LINGO2: variants seen among roughly 807,000 people sequenced by gnomAD.
LINGO2 encodes leucine rich repeat and Ig domain containing 2.
Under a neutral mutation model 30.6 loss-of-function variants are expected in LINGO2, and 14 were observed. The observed-to-expected ratio is 0.46, with a 90% CI of 0.30 to 0.72. LINGO2 has a LOEUF of 0.72. LINGO2 is among the 30% of genes least tolerant of loss of function. The pLI is 0.07. For missense variants in LINGO2, 729 were observed against 751.7 expected, an observed-to-expected ratio of 0.97 and a Z score of 0.35; for synonymous variants, 317 against 288.5, an observed-to-expected ratio of 1.10 and a Z score of -1.00.
rs77282104 is a variant in LINGO2 at position 28,507,742 on chromosome 9, G to A, written c.-364-31717C>T. On this transcript the variant is annotated intron_variant, in intron 1 of 5. Coordinates refer to ENST00000379992, the Ensembl canonical transcript of LINGO2. ...TAATAGTGGCTATATTCAGAATGAGGGAGAGCAAAAGGCTTTCATGTACTA... is the reference window on the plus strand; with the variant it reads ...TAATAGTGGCTATATTCAGAATGAGAGAGAGCAAAAGGCTTTCATGTACTA... Among the ~76,000 whole-genome samples, 909 of 152,120 alleles carry A rather than the reference G, an allele frequency of 6.0e-3. 14 individuals are homozygous for A. Among genetic ancestry groups the A allele is most frequent in the African/African-American group, 0.021 (866 of 41,496 alleles).
At chr9:29,210,417 C>T in the LINGO2 span, among the ~76,000 whole-genome samples, 1 of 152,062 alleles carries the variant, frequency 6.6e-6, no homozygotes, top group Non-Finnish European at 1.5e-5. Flanking sequence ...TAATTTAATT[C>T]AACAAATAAA....
At chr9:29,157,401 CA>C in the LINGO2 span, among the ~76,000 whole-genome samples, 2 of 152,144 alleles carry the variant, frequency 1.3e-5, no homozygotes, top group African/African-American at 4.8e-5. Context: ...GATGAGCAGG[CA>C]TCATTCTGAA....
At chr9:28,872,880 C>T in the LINGO2 span, among the ~76,000 whole-genome samples, 13 of 152,118 alleles carry the variant, frequency 8.5e-5, no homozygotes, top group East Asian at 2.3e-3. Context: ...CTGGAAAAAT[C>T]GTTGAGCAAT....
the LINGO2 span, among the ~76,000 whole-genome samples, chr9:28,883,658 A>ATATATATATC: frequency 7.9e-6 from 1 of 126,768 alleles, no homozygotes; most frequent in Non-Finnish European, 1.7e-5. Flanking sequence ...ATATATATAT[A>ATATATATATC]TATATATATA....
At chr9:28,728,590 G>A in the LINGO2 span, among the ~76,000 whole-genome samples, 2 of 152,020 alleles carry the variant, frequency 1.3e-5, no homozygotes, top group African/African-American at 4.8e-5. Flanking sequence ...GGACTGAACT[G>A]TCAGCTCTGC....
chr9:28,167,609 AC>A (rs1321034086), intron 4 of LINGO2, among the ~76,000 whole-genome samples: 4 of 152,136 alleles, frequency 2.6e-5, no homozygotes, highest in Non-Finnish European at 4.4e-5. Flanking sequence ...CTGGCCTGGA[AC>A]CCCTGTGCTC....
intron 4 of LINGO2, among the ~76,000 whole-genome samples, chr9:28,135,611 C>G (rs1827496081): frequency 6.6e-6 from 1 of 151,904 alleles, no homozygotes; most frequent in Non-Finnish European, 1.5e-5. Context: ...AAAGTCAAAC[C>G]TTGTATCACG....
At chr9:28,523,044 C>A (rs193162836) in intron 1 of LINGO2, among the ~76,000 whole-genome samples, 1 of 150,326 alleles carries the variant, frequency 6.7e-6, no homozygotes, top group Admixed American at 6.6e-5. Flanking sequence ...AGAGATTAGG[C>A]GAAGAAAATC....
the LINGO2 span, among the ~76,000 whole-genome samples, chr9:28,895,648 T>A: frequency 6.6e-6 from 1 of 150,580 alleles, no homozygotes; most frequent in Non-Finnish European, 1.5e-5. Flanking sequence ...AAATAATACA[T>A]TTTTTTTGTT....
At chr9:28,399,461 A>G (rs1822176347) in intron 2 of LINGO2, among the ~76,000 whole-genome samples, 1 of 152,228 alleles carries the variant, frequency 6.6e-6, no homozygotes, top group African/African-American at 2.4e-5. Context: ...ACATGTAAAT[A>G]TTAGGCAAAT....
At chr9:27,940,101 A>T in the LINGO2 span, 2 of 152,096 alleles carry the variant, frequency 1.3e-5, no homozygotes, top group Non-Finnish European at 2.9e-5. Flanking sequence ...GAATAGGGAG[A>T]ATCCACATAT....
At chr9:28,055,172 G>A (rs1824866293) in intron 4 of LINGO2, among the ~76,000 whole-genome samples, 2 of 152,130 alleles carry the variant, frequency 1.3e-5, no homozygotes, top group African/African-American at 4.8e-5. Context: ...TTATCCTTAT[G>A]TAAATTGGCT....
At chr9:29,146,322 T>G in the LINGO2 span, among the ~76,000 whole-genome samples, 1 of 151,976 alleles carries the variant, frequency 6.6e-6, no homozygotes, top group African/African-American at 2.4e-5. Flanking sequence ...ACCACTGCAC[T>G]CCAGTCTGGC....
intron 4 of LINGO2, among the ~76,000 whole-genome samples, chr9:28,240,666 C>A (rs1386164307): frequency 6.6e-6 from 1 of 152,102 alleles, no homozygotes; most frequent in Non-Finnish European, 1.5e-5. Flanking sequence ...AGACTTAAAT[C>A]TAAGGCCTTA....
chr9:28,388,216 A>G (rs533249770), intron 2 of LINGO2, among the ~76,000 whole-genome samples: 14 of 152,226 alleles, frequency 9.2e-5, no homozygotes, highest in Non-Finnish European at 1.9e-4. Flanking sequence ...TCTCTATGAT[A>G]GAATCGCTCT....
At chr9:28,520,454 T>TA (rs150748833) in intron 1 of LINGO2, among the ~76,000 whole-genome samples, 2 of 152,144 alleles carry the variant, frequency 1.3e-5, no homozygotes, top group Non-Finnish European at 1.5e-5. Flanking sequence ...CTACCTTAGC[T>TA]AAAAAAATCT....
the LINGO2 span, among the ~76,000 whole-genome samples, chr9:28,801,564 G>C: frequency 6.6e-6 from 1 of 151,858 alleles, no homozygotes; most frequent in Non-Finnish European, 1.5e-5. Flanking sequence ...AGTTACCTTA[G>C]AGTTACTCTG....
intron 2 of LINGO2, among the ~76,000 whole-genome samples, chr9:28,429,410 G>A (rs888260150): frequency 1.3e-5 from 2 of 152,102 alleles, no homozygotes; most frequent in Non-Finnish European, 2.9e-5. Flanking sequence ...ATTCCCTTAT[G>A]TTATGAATGA....
intron 1 of LINGO2, among the ~76,000 whole-genome samples, chr9:28,587,214 C>T (rs923011774): frequency 2.6e-5 from 4 of 151,936 alleles, no homozygotes; most frequent in African/African-American, 9.7e-5. Flanking sequence ...GATCCCCTTC[C>T]CCTTCTGATG....
Sources: allele counts gnomAD v4.1 joint callset (sites outside exome capture counted in the v4.1 genomes callset), GRCh38; gene constraint gnomAD v4.1.1; transcripts MANE v1.5; gene names NCBI Gene and HGNC (gene_info 2026-07-23, HGNC 2026-07-21).